Variants in NUP155 observed in about 807,000 individuals in gnomAD.
The protein encoded by NUP155 is nucleoporin 155.
Under a neutral mutation model 180.4 loss-of-function variants are expected in NUP155, and 71 were observed. That is an observed-to-expected ratio of 0.39 (90% CI 0.33 to 0.48). The LOEUF is 0.48. NUP155 is among the 20% of genes least tolerant of loss of function. The probability of loss-of-function intolerance (pLI) is 0.91; values close to 1 mark genes in which losing one functional copy is unlikely to be tolerated. For synonymous variants in NUP155, 582 were observed against 559.5 expected, an observed-to-expected ratio of 1.04 and a Z score of -0.57; for missense variants, 1,553 against 1,648.9, an observed-to-expected ratio of 0.94 and a Z score of 1.01.
Position 37,320,303 on chromosome 5 carries a change from C to A in NUP155, c.2208-2218G>T, listed in dbSNP as rs551495813. 2.8e-3 allele frequency among the ~76,000 whole-genome samples: 433 copies of A among 152,136 alleles called. 3 individuals carry two copies. Among genetic ancestry groups the A allele is most frequent in the African/African-American group, 0.01 (423 of 41,524 alleles). The stretch of plus-strand genomic sequence containing the variant: ...GACCAGCCTGACCAACAAGGAGAAA[C>A]CCCGTCTCTACTAAAAATACAAAAT... On this transcript the variant is annotated intron_variant, in intron 20 of 34. Coordinates refer to ENST00000231498, the MANE Select transcript of NUP155 (RefSeq NM_153485.3).
intron 15 of NUP155, 24 bp from the exon 16 acceptor site, chr5:37,329,302 G>A: frequency 6.4e-7 from 1 of 1,566,382 alleles, no homozygotes. Context: ...AAGAGGTTGA[G>A]TTTATTCAGT....
chr5:37,347,644 C>G (rs573641368), intron 9 of NUP155, among the ~76,000 whole-genome samples: 55 of 143,906 alleles, frequency 3.8e-4, no homozygotes, highest in African/African-American at 1.3e-3. Context: ...TGCAGTGAGC[C>G]GAGACTGCAC....
rs1746256469 is a variant in NUP155, at chr5:37,348,595, A to C, written c.905T>G (p.Val302Gly). ...TTGTCCATCTTGTCCCAAATCATACACCTGTGAATACAAAATCATTCTCAC... is the reference window on the plus strand; with the variant it reads ...TTGTCCATCTTGTCCCAAATCATACCCCTGTGAATACAAAATCATTCTCAC... ...YTRSEKGVIQ[V>G]YDLGQDGQGM... Residue 302 changes from valine to glycine, a missense_variant and splice_region_variant, in exon 9 of 35, where the codon GTG (valine) becomes GGG (glycine). Physicochemically the swap from Val to Gly is moderately radical, Grantham distance 109. Transcript: ENST00000231498. The C allele has an allele frequency of 6.4e-7, 1 of 1,574,280 alleles. No individual in the cohort carries two copies. Among genetic ancestry groups the C allele is most frequent in the Non-Finnish European group, 8.7e-7 (1 of 1,143,642 alleles).
chr5:37,357,310 T>C (rs1746889769), intron 4 of NUP155, among the ~76,000 whole-genome samples: 1 of 142,090 alleles, frequency 7.0e-6, no homozygotes, highest in Non-Finnish European at 1.5e-5. Context: ...GGTGGGAGGG[T>C]CTCCTGAGCC....
intron 23 of NUP155, among the ~76,000 whole-genome samples, chr5:37,310,193 C>T (rs1743436908): frequency 6.6e-6 from 1 of 152,036 alleles, no homozygotes; most frequent in African/African-American, 2.4e-5. Flanking sequence ...AAAAAATTGG[C>T]TGGGTGTAGT....
intron 3 of NUP155, among the ~76,000 whole-genome samples, chr5:37,359,507 T>C (rs1747061099): frequency 6.6e-6 from 1 of 152,054 alleles, no homozygotes; most frequent in Admixed American, 6.6e-5. Context: ...ACTTGCACCC[T>C]AAGTACAACA....
intron 10 of NUP155, among the ~76,000 whole-genome samples, 188 bp from the exon 11 acceptor site, chr5:37,341,430 C>T (rs1163427786): frequency 3.3e-5 from 5 of 152,042 alleles, no homozygotes; most frequent in Admixed American, 1.3e-4. Flanking sequence ...GGCGCCATCT[C>T]GGCTTACTGC....
intron 6 of NUP155, 37 bp downstream of exon 6, chr5:37,351,153 A>G: frequency 1.3e-6 from 2 of 1,556,144 alleles, no homozygotes; most frequent in Non-Finnish European, 1.8e-6. Context: ...TACTCCATCA[A>G]GAGAGAAAAA....
chr5:37,311,757 T>C (rs1333045533), intron 22 of NUP155, among the ~76,000 whole-genome samples: 2 of 151,548 alleles, frequency 1.3e-5, no homozygotes, highest in Admixed American at 1.3e-4. Context: ...TGGTGGCTCA[T>C]GCCTGTAATC....
At chr5:37,296,902 C>T (rs767855611) in intron 32 of NUP155, among the ~76,000 whole-genome samples, 31 of 152,146 alleles carry the variant, frequency 2.0e-4, no homozygotes, top group Admixed American at 7.2e-4. Flanking sequence ...TATGGCCAGG[C>T]GTGGTGGTTC....
chr5:37,319,756 A>G (rs1744124334), intron 20 of NUP155, among the ~76,000 whole-genome samples: 1 of 152,202 alleles, frequency 6.6e-6, no homozygotes, highest in Admixed American at 6.5e-5. Flanking sequence ...CTGTAGTCCC[A>G]ACTACTCAGG....
rs1278336962 is a variant in NUP155 at position 37,364,305 on chromosome 5, T to C, written c.237A>G (p.Pro79=). 4 of 1,612,346 alleles carry C rather than the reference T, an allele frequency of 2.5e-6. No individual in the cohort carries two copies. Among genetic ancestry groups the C allele is most frequent in the Non-Finnish European group, 3.4e-6 (4 of 1,178,492 alleles). ...GAACTCTTCGGATGGAACTGATCTC[T>C]GGAAGGTTGGGTACGGACAGCAAAC... ...GPGLLSVPNL[P]EISSIRRVPL... The change falls in exon 2 of 35, where the codon CCA becomes CCG. Residue 79 remains proline (P), a synonymous_variant. Coordinates refer to ENST00000231498, the MANE Select transcript of NUP155 (RefSeq NM_153485.3).
At chr5:37,335,730 C>T (rs1245870966) in intron 12 of NUP155, among the ~76,000 whole-genome samples, 2 of 151,936 alleles carry the variant, frequency 1.3e-5, no homozygotes, top group Non-Finnish European at 2.9e-5. Context: ...CAGGTGGATC[C>T]CTTAAGCTTA....
intron 21 of NUP155, among the ~76,000 whole-genome samples, chr5:37,316,997 A>G (rs1743927413): frequency 6.9e-6 from 1 of 144,202 alleles, no homozygotes; most frequent in African/African-American, 2.7e-5. Flanking sequence ...CCCTGTCTCT[A>G]CTAAAAATAC....
At chr5:37,324,850 G>A (rs183777063) in intron 19 of NUP155, among the ~76,000 whole-genome samples, 10 of 152,242 alleles carry the variant, frequency 6.6e-5, no homozygotes, top group Non-Finnish European at 1.3e-4. Context: ...AACTTTAAGA[G>A]CCTCACAATT....
rs1247099570 is a variant in NUP155 at position 37,367,505 on chromosome 5, G to A, written c.158-3121C>T. Among the ~76,000 whole-genome samples, 6 of 150,386 alleles carry A rather than the reference G, an allele frequency of 4.0e-5. No individual in the cohort carries two copies. In the East Asian group the frequency reaches 7.9e-4, roughly 20 times the overall value. On this transcript the variant is annotated intron_variant, in intron 1 of 34. Coordinates refer to ENST00000231498, the MANE Select transcript of NUP155 (RefSeq NM_153485.3). ...GCTGAGATTACAGGAGTAAACCACC[G>A]AGCCCAGCCAAACAGCATTTTTCTT...
chr5:37,308,688 C>CT (rs1370222680), intron 24 of NUP155, among the ~76,000 whole-genome samples: 63 of 150,664 alleles, frequency 4.2e-4, no homozygotes, highest in African/African-American at 1.5e-3. Flanking sequence ...GAGCAAGACT[C>CT]TGTCTCAAAA....
At chr5:37,332,354 T>C (rs1384311165) in intron 13 of NUP155, among the ~76,000 whole-genome samples, 21 of 134,664 alleles carry the variant, frequency 1.6e-4, no homozygotes, top group Non-Finnish European at 2.9e-4. Context: ...CGGAGTCTCG[T>C]ACTGTCTCCC....
intron 21 of NUP155, among the ~76,000 whole-genome samples, chr5:37,316,847 C>CCACTGAACGT (rs1302683469): frequency 6.6e-6 from 1 of 151,576 alleles, no homozygotes; most frequent in Non-Finnish European, 1.5e-5. Flanking sequence ...ATACTGAATG[C>CCACTGAACGT]CACTGAACTG....
Sources: allele counts gnomAD v4.1 joint callset (sites outside exome capture counted in the v4.1 genomes callset), GRCh38; gene constraint gnomAD v4.1.1; transcripts MANE v1.5; gene names NCBI Gene and HGNC (gene_info 2026-07-23, HGNC 2026-07-21).